Variants in NR2C2 observed in about 807,000 individuals in gnomAD.
NR2C2 encodes Nuclear hormone receptor TR4.
NR2C2 carries 6 observed loss-of-function variants against 62.9 expected under a neutral mutation model. That is an observed-to-expected ratio of 0.10 (90% CI 0.05 to 0.19). The LOEUF (loss-of-function observed/expected upper bound fraction) is 0.19. NR2C2 is among the 10% of genes least tolerant of loss of function. NR2C2 has a pLI of 1.00. For synonymous variants in NR2C2, 272 were observed against 273.8 expected (o/e 0.99, Z 0.07); for missense variants, 479 against 762.7 (o/e 0.63, Z 4.38).
chr3:14,975,849 T>C (rs990527547), intron 1 of NR2C2, among the ~76,000 whole-genome samples: 3 of 152,198 alleles, frequency 2.0e-5, no homozygotes, highest in African/African-American at 7.2e-5. Context: ...GGACTTTCCT[T>C]TTTTGGAAAG....
chr3:15,004,358 C>T (rs2041107265), intron 2 of NR2C2, among the ~76,000 whole-genome samples: 1 of 152,164 alleles, frequency 6.6e-6, no homozygotes, highest in Admixed American at 6.6e-5. Context: ...GCCTCACTTT[C>T]TTCATTTGGA....
chr3:14,952,049 G>C (rs1049106667), intron 1 of NR2C2, among the ~76,000 whole-genome samples: 3 of 152,190 alleles, frequency 2.0e-5, no homozygotes, highest in Non-Finnish European at 2.9e-5. Flanking sequence ...CCCAGCAACT[G>C]GGAAGTTTTT....
intron 2 of NR2C2, among the ~76,000 whole-genome samples, chr3:15,004,867 G>A (rs2041123121): frequency 6.6e-6 from 1 of 152,160 alleles, no homozygotes; most frequent in African/African-American, 2.4e-5. Context: ...AGGTCGAGAA[G>A]CGATGGAGAA....
At chr3:14,980,590 A>G (rs550561187) in intron 1 of NR2C2, among the ~76,000 whole-genome samples, 1 of 152,340 alleles carries the variant, frequency 6.6e-6, no homozygotes, top group African/African-American at 2.4e-5. Flanking sequence ...GGGGCTTGGA[A>G]TAGACCAGAG....
At chr3:15,039,663 G>A (rs2042199099) in intron 13 of NR2C2, among the ~76,000 whole-genome samples, 1 of 152,156 alleles carries the variant, frequency 6.6e-6, no homozygotes, top group African/African-American at 2.4e-5. Flanking sequence ...CATTGAAGAG[G>A]CAGTGCTAGA....
chr3:15,018,883 C>A (rs1032325805), intron 4 of NR2C2, among the ~76,000 whole-genome samples: 1 of 151,502 alleles, frequency 6.6e-6, no homozygotes, highest in Non-Finnish European at 1.5e-5. Context: ...GGTGTGGTAG[C>A]GGGTTCCTGT....
intron 1 of NR2C2, among the ~76,000 whole-genome samples, chr3:14,984,115 C>A (rs189131330): frequency 1.0e-3 from 159 of 151,994 alleles, no homozygotes; most frequent in African/African-American, 3.7e-3. Flanking sequence ...CTCGAACTCC[C>A]GACCTCAGGT....
In NR2C2 at chr3:15,003,534, A is replaced by G. The variant is rs149662416; in HGVS notation, c.-39-342A>G. Among the ~76,000 whole-genome samples, 31 of 152,346 alleles carry G rather than the reference A, an allele frequency of 2.0e-4. No homozygotes were observed. In the East Asian group the frequency reaches 5.2e-3, roughly 26 times the overall value. On this transcript the variant is annotated intron_variant, in intron 1 of 13. Transcript: ENST00000425241. Reference sequence around the variant, plus strand: ...AAACCATATTAAAGGAATGTTTTACAGGTGGCTTTGGAGACAGGGATAACA... The same window carrying G: ...AAACCATATTAAAGGAATGTTTTACGGGTGGCTTTGGAGACAGGGATAACA...
chr3:14,952,797 T>C (rs183206971), intron 1 of NR2C2, among the ~76,000 whole-genome samples: 23 of 152,308 alleles, frequency 1.5e-4, no homozygotes, highest in African/African-American at 5.3e-4. Flanking sequence ...CATATCCCAC[T>C]ATTGCTACCC....
At chr3:14,979,263 A>G (rs942504139) in intron 1 of NR2C2, among the ~76,000 whole-genome samples, 26 of 152,318 alleles carry the variant, frequency 1.7e-4, no homozygotes, top group African/African-American at 5.8e-4. Context: ...ACTGGAATTC[A>G]GGGAAAGTAT....
intron 1 of NR2C2, among the ~76,000 whole-genome samples, chr3:14,956,185 T>TA (rs775660479): frequency 2.3e-4 from 35 of 152,364 alleles, no homozygotes; most frequent in Non-Finnish European, 4.0e-4. Context: ...ACATTTGTAT[T>TA]ACACTAAACC....
chr3:15,021,625 G>A (rs1245270594), intron 5 of NR2C2, among the ~76,000 whole-genome samples: 3 of 152,204 alleles, frequency 2.0e-5, no homozygotes, highest in African/African-American at 7.2e-5. Context: ...AGTGGAGTTA[G>A]GCTTAAGCCA....
At chr3:14,996,159 T>G (rs961943215) in intron 1 of NR2C2, among the ~76,000 whole-genome samples, 4 of 152,238 alleles carry the variant, frequency 2.6e-5, no homozygotes, top group African/African-American at 9.6e-5. Context: ...CACAAAAGAT[T>G]TTAATGTTGG....
chr3:15,015,498 G>T (rs2124995988), intron 3 of NR2C2, among the ~76,000 whole-genome samples: 1 of 152,238 alleles, frequency 6.6e-6, no homozygotes, highest in South Asian at 2.1e-4. Flanking sequence ...ACACCTCTTT[G>T]CGTACATTCA....
At chr3:15,025,452 A>G (rs1196738417) in intron 7 of NR2C2, 1 of 152,268 alleles carries the variant, frequency 6.6e-6, no homozygotes, top group Non-Finnish European at 1.5e-5. Flanking sequence ...ACAAAGCTGT[A>G]TGGTATTTCA....
chr3:15,011,115 A>T (rs1294883265), intron 2 of NR2C2, among the ~76,000 whole-genome samples: 1 of 152,202 alleles, frequency 6.6e-6, no homozygotes, highest in African/African-American at 2.4e-5. Context: ...CGGCAGGATC[A>T]CTTGAGCCCA....
chr3:14,958,221 G>T (rs1427766087), intron 1 of NR2C2, among the ~76,000 whole-genome samples: 1 of 151,282 alleles, frequency 6.6e-6, no homozygotes, highest in East Asian at 1.9e-4. Context: ...TCTCCTCCTT[G>T]TTGTTGTTAA....
At chr3:14,954,156 G>C (rs953149464) in intron 1 of NR2C2, among the ~76,000 whole-genome samples, 17 of 151,962 alleles carry the variant, frequency 1.1e-4, no homozygotes, top group Admixed American at 1.1e-3. Flanking sequence ...TTTTTTAATT[G>C]ATTGCTTTAC....
intron 1 of NR2C2, among the ~76,000 whole-genome samples, chr3:14,990,208 G>A (rs1321595311): frequency 6.6e-6 from 1 of 152,140 alleles, no homozygotes; most frequent in Non-Finnish European, 1.5e-5. Context: ...TCCTCTCCTT[G>A]TAGGTTTAAA....
Sources: gnomAD v4.1 joint callset for allele counts (sites outside exome capture counted in the v4.1 genomes callset) on GRCh38, gnomAD v4.1.1 for gene constraint, MANE v1.5 for transcripts, NCBI Gene and HGNC (gene_info 2026-07-23, HGNC 2026-07-21) for gene names.